Variants in PRCD observed in about 807,000 individuals in gnomAD.
The protein encoded by PRCD is photoreceptor disk component PRCD.
Under a neutral mutation model 10.1 loss-of-function variants are expected in PRCD, and 12 were observed. That is an observed-to-expected ratio of 1.18 (90% CI 0.76 to 1.92). The LOEUF is 1.92. Ranked by LOEUF, PRCD falls within the 40% of genes most tolerant of loss-of-function variation. The pLI is 0.00. For missense variants in PRCD, 61 were observed against 72.2 expected (o/e 0.84, Z 0.56); for synonymous variants, 31 against 26.2 (o/e 1.18, Z -0.56).
chr17:76,528,574 G>T lies in PRCD; in HGVS notation n.45+741G>T. 7.8e-7 allele frequency: 1 copy of T among 1,287,372 alleles called. No homozygotes were observed. The highest frequency in any genetic ancestry group is 9.9e-7 in the Non-Finnish European group (1 of 1,009,790). The allele number at this position is 1,287,372 out of a possible 1,614,324, so 79.7% of individuals were successfully genotyped here. A position where few individuals can be genotyped will look rare whatever the true frequency, so the allele number is the denominator to read the frequency against. On this transcript the variant is annotated intron_variant and non_coding_transcript_variant, in intron 1 of 4. Transcript: ENST00000397633. This position sits in a 1 kb window ranked among gnomAD's most constrained non-coding sequence, Gnocchi z 5.8. ...TGCCAGGGAGGGGGGTGGAGTTAGG[G>T]GTCCTACGGCCCCGAAGAGGGCAGT... is the stretch of plus-strand genomic sequence containing the variant.
At chr17:76,535,984 G>A (rs553757563), upstream of PRCD, among the ~76,000 whole-genome samples, 44 of 152,306 alleles carry the variant, frequency 2.9e-4, no homozygotes, top group East Asian at 6.4e-3. Context: ...CACGGCTGAC[G>A]GCACCCTCCG....
chr17:76,528,686 C>T lies in PRCD; in HGVS notation n.45+853C>T, dbSNP rs73365381. ...GGACCCTCGGGGGAAAGGGGGAGGA[C>T]CTGGGGCTGGCGAGGCTCACTTCCT... On this transcript the variant is annotated intron_variant and non_coding_transcript_variant, in intron 1 of 4. Coordinates refer to the PRCD transcript ENST00000397633. The surrounding 1 kb of genome is among the most constrained non-coding windows in gnomAD (Gnocchi z 5.8). 109 of 1,223,132 alleles carry T rather than the reference C, an allele frequency of 8.9e-5. No individual in the cohort carries two copies. The African/African-American group carries it at 1.6e-3, about 18-fold the overall frequency. The allele number at this position is 1,223,132 out of a possible 1,614,324, so 75.8% of individuals were successfully genotyped here.
At chr17:76,529,040 T>A (rs1347089710) in intron 1 of PRCD, 1 of 808,630 alleles carries the variant, frequency 1.2e-6, no homozygotes, top group African/African-American at 2.7e-5. Context: ...CCTGCAGTCA[T>A]TGCGCCCCCC....
downstream of PRCD, among the ~76,000 whole-genome samples, chr17:76,547,991 T>G (rs897104391): frequency 1.3e-5 from 2 of 149,032 alleles, no homozygotes; most frequent in African/African-American, 5.0e-5. Context: ...TACATACACA[T>G]TCACACACAC....
At chr17:76,553,543 A>G (rs2075130829) in exon 2 of PRCD, 1 of 152,212 alleles carries the variant, frequency 6.6e-6, no homozygotes, top group Non-Finnish European at 1.5e-5. Flanking sequence ...TGTTCTTATT[A>G]ATAAAATTAA....
Position 76,528,140 on chromosome 17 carries a change from A to G in PRCD, n.45+307A>G. The G allele has an allele frequency of 3.0e-6, 1 of 334,116 alleles. No individual in the cohort carries two copies. The highest frequency in any genetic ancestry group is 4.7e-5 in the East Asian group (1 of 21,256). The allele number at this position is 334,116 out of a possible 1,614,324, so 20.7% of individuals were successfully genotyped here. On this transcript the variant is annotated intron_variant and non_coding_transcript_variant, in intron 1 of 4. Transcript: ENST00000397633. This position sits in a 1 kb window ranked among gnomAD's most constrained non-coding sequence, Gnocchi z 5.8. Reference sequence around the variant, plus strand: ...TGTGTGTATATATATATGTATATATATATTTATATATAGCTCGTATATAGA... The same window carrying G: ...TGTGTGTATATATATATGTATATATGTATTTATATATAGCTCGTATATAGA...
rs753643696 is a variant in PRCD at position 76,544,239 on chromosome 17, C to T, written c.*589C>T. On this transcript the variant is annotated 3_prime_UTR_variant, in exon 5 of 5. Coordinates refer to ENST00000592014, the MANE Select transcript of PRCD (RefSeq NM_001077620.3). Reference sequence around the variant, plus strand: ...CGCGTCTCTCCTCCCCAGCCAGCCCCCCTCCCAGCCCAGCGGCGATGTCTC... The same window carrying T: ...CGCGTCTCTCCTCCCCAGCCAGCCCTCCTCCCAGCCCAGCGGCGATGTCTC... The T allele has an allele frequency of 2.2e-6, 1 of 454,590 alleles. No individual in the cohort carries two copies. The highest frequency in any genetic ancestry group is 1.6e-5 in the South Asian group (1 of 64,478). 28.2% of individuals were successfully genotyped at this position (454,590 alleles called of 1,614,324 possible).
At chr17:76,534,241 A>G (rs915265132) in intron 1 of PRCD, among the ~76,000 whole-genome samples, 7 of 146,358 alleles carry the variant, frequency 4.8e-5, no homozygotes, top group African/African-American at 1.3e-4. Context: ...CACTGGTGCA[A>G]TCTTGGCTCA....
upstream of PRCD, chr17:76,537,628 G>A (rs1192737581): frequency 1.0e-6 from 1 of 977,850 alleles, no homozygotes; most frequent in African/African-American, 1.8e-5. Flanking sequence ...GGGAGCCGGG[G>A]CCGGCTGCGT....
chr17:76,534,916 C>T (rs1475455785), intron 1 of PRCD, among the ~76,000 whole-genome samples: 2 of 152,236 alleles, frequency 1.3e-5, no homozygotes, highest in African/African-American at 2.4e-5. Flanking sequence ...GGTGTTTCCA[C>T]CTGAGACCCT....
chr17:76,537,706 G>T, upstream of PRCD: 1 of 489,456 alleles, frequency 2.0e-6, no homozygotes, highest in Non-Finnish European at 2.6e-6. Context: ...CCGGGTGTGT[G>T]TGTGTGTGTG....
upstream of PRCD, among the ~76,000 whole-genome samples, chr17:76,538,947 G>A (rs1026550019): frequency 6.6e-6 from 1 of 152,234 alleles, no homozygotes; most frequent in African/African-American, 2.4e-5. Flanking sequence ...CTTAAAATCC[G>A]ACTTTAAGGT....
In PRCD at chr17:76,531,249, A is replaced by G. The variant is rs891863230; in HGVS notation, n.45+3416A>G. 6 of 1,317,230 alleles carry G rather than the reference A, an allele frequency of 4.6e-6. No homozygotes were observed. The highest frequency in any genetic ancestry group is 2.6e-4 in the Middle Eastern group (1 of 3,818). 81.6% of individuals were successfully genotyped at this position (1,317,230 alleles called of 1,614,324 possible). The stretch of plus-strand genomic sequence containing the variant: ...GGCCGAGAGGATCATTCCTAACGCA[A>G]CAGTCTGGCAGCTTTGGGAACCCCG... On this transcript the variant is annotated intron_variant and non_coding_transcript_variant, in intron 1 of 4. Coordinates refer to the PRCD transcript ENST00000397633. This position sits in a 1 kb window ranked among gnomAD's most constrained non-coding sequence, Gnocchi z 7.4.
Position 76,530,730 on chromosome 17 carries a change from A to AG in PRCD, n.45+2901dup, listed in dbSNP as rs2074826827. Reference sequence around the variant, plus strand: ...TCTGAGCTCTCCCTGGCTCTAGGGAAGGGGAAGGCTCTTTGGGAGGATTTT... The same window carrying AG: ...TCTGAGCTCTCCCTGGCTCTAGGGAAGGGGGAAGGCTCTTTGGGAGGATTTT... On this transcript the variant is annotated intron_variant and non_coding_transcript_variant, in intron 1 of 4. Coordinates refer to the PRCD transcript ENST00000397633. The surrounding 1 kb of genome is among the most constrained non-coding windows in gnomAD (Gnocchi z 6.1). 6.6e-6 allele frequency among the ~76,000 whole-genome samples: 1 copy of AG among 152,110 alleles called. No individual in the cohort carries two copies. The highest frequency in any genetic ancestry group is 2.1e-4 in the South Asian group (1 of 4,832).
At position 76,531,178 on chromosome 17, in the gene PRCD, G is replaced by A. The variant is rs370736433; in HGVS notation, n.45+3345G>A. 2,055 of 1,595,808 alleles carry A rather than the reference G, an allele frequency of 1.3e-3. 30 individuals carry two copies. The South Asian group carries it at 0.017, about 13-fold the overall frequency. On this transcript the variant is annotated intron_variant and non_coding_transcript_variant, in intron 1 of 4. Transcript: ENST00000397633. This position sits in a 1 kb window ranked among gnomAD's most constrained non-coding sequence, Gnocchi z 7.4. ...AGGGAGGAAGGGGGAGTGAACGCCC[G>A]GGCGCCCTGCGTCCTGCAACCCCCA...
Position 76,528,891 on chromosome 17 carries a change from T to G in PRCD, n.45+1058T>G. On this transcript the variant is annotated intron_variant and non_coding_transcript_variant, in intron 1 of 4. Transcript: ENST00000397633. This position sits in a 1 kb window ranked among gnomAD's most constrained non-coding sequence, Gnocchi z 5.8. ...GTGACATAAACTGGGTAAAAAAGTGTTTCACAAACTGCAAAGCACGATACC... is the reference window on the plus strand; with the variant it reads ...GTGACATAAACTGGGTAAAAAAGTGGTTCACAAACTGCAAAGCACGATACC... The G allele has an allele frequency of 8.3e-7, 1 of 1,209,136 alleles. No individual in the cohort carries two copies. Among genetic ancestry groups the G allele is most frequent in the Middle Eastern group, 3.2e-4 (1 of 3,132 alleles). 74.9% of individuals were successfully genotyped at this position (1,209,136 alleles called of 1,614,324 possible).
intron 1 of PRCD, chr17:76,527,863 G>A: frequency 2.2e-6 from 1 of 448,958 alleles, no homozygotes; most frequent in Non-Finnish European, 4.5e-6. Context: ...GGAGTAGGGG[G>A]AGCCCACTCC....
At chr17:76,549,400 A>G (rs768912592), downstream of PRCD, among the ~76,000 whole-genome samples, 6 of 152,246 alleles carry the variant, frequency 3.9e-5, no homozygotes, top group Non-Finnish European at 8.8e-5. Context: ...AAGAAGAAAG[A>G]TACTCCACAT....
chr17:76,541,765 T>G (rs1254439690), intron 2 of PRCD, among the ~76,000 whole-genome samples: 1 of 152,184 alleles, frequency 6.6e-6, no homozygotes, highest in Non-Finnish European at 1.5e-5. Flanking sequence ...TCCACGCTAT[T>G]GAGCCCGGGT....
Sources: gnomAD v4.1 joint callset for allele counts (sites outside exome capture counted in the v4.1 genomes callset) on GRCh38, gnomAD v4.1.1 for gene constraint, Gnocchi (gnomAD v3.1) non-coding constraint, MANE v1.5 for transcripts, NCBI Gene and HGNC (gene_info 2026-07-23, HGNC 2026-07-21) for gene names.